The following ERBB4 variants were observed in gnomAD, a reference collection of about 807,000 sequenced individuals.
ERBB4 encodes erb-b2 receptor tyrosine kinase 4.
In ERBB4, 42 loss-of-function variants were observed where a neutral mutation model predicts 158.0. That is an observed-to-expected ratio of 0.27 (90% CI 0.21 to 0.34). ERBB4 has a LOEUF of 0.34. ERBB4 is among the 10% of genes least tolerant of loss of function. ERBB4 has a pLI of 1.00. For synonymous variants in ERBB4, 583 were observed against 558.7 expected (o/e 1.04, Z -0.61); for missense variants, 1,333 against 1,624.1 (o/e 0.82, Z 3.08).
intron 20 of ERBB4, among the ~76,000 whole-genome samples, chr2:211,469,169 C>T (rs1574550194): frequency 6.6e-6 from 1 of 152,254 alleles, no homozygotes; most frequent in South Asian, 2.1e-4. Context: ...CATGCTTCAC[C>T]TTCCTGTCCA....
At chr2:211,844,211 A>G (rs560170366) in intron 3 of ERBB4, among the ~76,000 whole-genome samples, 44 of 152,248 alleles carry the variant, frequency 2.9e-4, no homozygotes, top group South Asian at 6.2e-4. Flanking sequence ...CACAATAGTT[A>G]TTTTATCTAA....
chr2:211,398,708 G>A (rs545883086), intron 25 of ERBB4, among the ~76,000 whole-genome samples: 6 of 152,310 alleles, frequency 3.9e-5, no homozygotes, highest in South Asian at 2.1e-4. Context: ...GCATATGCCT[G>A]TAATCCCAGT....
At chr2:212,375,785 T>C (rs1242279365) in intron 1 of ERBB4, among the ~76,000 whole-genome samples, 1 of 152,076 alleles carries the variant, frequency 6.6e-6, no homozygotes, top group Non-Finnish European at 1.5e-5. Context: ...AGAGCCCCTA[T>C]CAGAGCAACA....
chr2:212,291,832 T>C (rs995806790), intron 1 of ERBB4, among the ~76,000 whole-genome samples: 1 of 152,064 alleles, frequency 6.6e-6, no homozygotes, highest in Non-Finnish European at 1.5e-5. Flanking sequence ...ATCTTAAATG[T>C]TGCAGGATGT....
chr2:212,183,109 A>T (rs1401452386), intron 1 of ERBB4, among the ~76,000 whole-genome samples: 2 of 151,866 alleles, frequency 1.3e-5, no homozygotes, highest in South Asian at 2.1e-4. Flanking sequence ...CGATGTTTTA[A>T]GTTTGACTTA....
chr2:211,383,408 T>C lies in ERBB4; in HGVS notation c.*207A>G, dbSNP rs951339705. ...ACCCATGCAGAGAAATGAAGAAACA[T>C]TGTGGTTCCTCCTATCTTTCTCTTT... On this transcript the variant is annotated 3_prime_UTR_variant, in exon 28 of 28. Coordinates refer to ENST00000342788, the MANE Select transcript of ERBB4 (RefSeq NM_005235.3). The C allele has an allele frequency of 3.5e-5, 20 of 579,062 alleles. No homozygotes were observed. The highest frequency in any genetic ancestry group is 8.8e-5 in the East Asian group (3 of 34,268). The allele number at this position is 579,062 out of a possible 1,614,324, so 35.9% of individuals were successfully genotyped here. A position where few individuals can be genotyped will look rare whatever the true frequency, so the allele number is the denominator to read the frequency against.
intron 2 of ERBB4, among the ~76,000 whole-genome samples, chr2:211,963,016 C>A (rs1160097060): frequency 6.6e-6 from 1 of 152,094 alleles, no homozygotes; most frequent in African/African-American, 2.4e-5. Flanking sequence ...ATATGTTTTT[C>A]TGTGTGCTTA....
Position 211,417,053 on chromosome 2 carries a change from G to A in ERBB4, c.3135+3388C>T, listed in dbSNP as rs768271166. On this transcript the variant is annotated intron_variant, in intron 25 of 27. Coordinates refer to ENST00000342788, the MANE Select transcript of ERBB4 (RefSeq NM_005235.3). ...AAAAAGGTAATCTTCATAATATTCC[G>A]TGAGAAAATTTTTAAATCCCCATTT... Among the ~76,000 whole-genome samples, 48 of 152,058 alleles carry A rather than the reference G, an allele frequency of 3.2e-4. No homozygotes were observed. The South Asian group carries it at 4.4e-3, about 14-fold the overall frequency.
chr2:212,122,210 A>G (rs978897450), intron 2 of ERBB4, among the ~76,000 whole-genome samples: 2 of 151,948 alleles, frequency 1.3e-5, no homozygotes, highest in Non-Finnish European at 1.5e-5. Context: ...GTACTTATAT[A>G]TTACATATCT....
intron 15 of ERBB4, among the ~76,000 whole-genome samples, chr2:211,661,625 T>A (rs899966055): frequency 1.1e-4 from 17 of 152,260 alleles, no homozygotes; most frequent in African/African-American, 2.9e-4. Flanking sequence ...AGGAAATTTT[T>A]AAAAATTCTC....
chr2:212,191,201 T>C (rs2082177210), intron 1 of ERBB4, among the ~76,000 whole-genome samples: 1 of 152,168 alleles, frequency 6.6e-6, no homozygotes, highest in African/African-American at 2.4e-5. Flanking sequence ...CAATACATAT[T>C]GCATGTCATA....
At chr2:212,330,244 G>C (rs200461270) in intron 1 of ERBB4, among the ~76,000 whole-genome samples, 1 of 130,854 alleles carries the variant, frequency 7.6e-6, no homozygotes, top group Non-Finnish European at 1.7e-5. Context: ...TGTTTGTTTT[G>C]TTTTCTGTTG....
At chr2:211,732,691 G>A (rs1412913996) in intron 5 of ERBB4, among the ~76,000 whole-genome samples, 1 of 152,154 alleles carries the variant, frequency 6.6e-6, no homozygotes, top group African/African-American at 2.4e-5. Flanking sequence ...GGACATGGTG[G>A]CTCACGCCTG....
At chr2:211,814,913 A>G (rs1478353736) in intron 3 of ERBB4, among the ~76,000 whole-genome samples, 1 of 152,200 alleles carries the variant, frequency 6.6e-6, no homozygotes, top group Non-Finnish European at 1.5e-5. Context: ...CCACATTTAT[A>G]CACATGAATA....
chr2:212,025,416 G>A (rs2125336503), intron 2 of ERBB4, among the ~76,000 whole-genome samples: 1 of 151,856 alleles, frequency 6.6e-6, no homozygotes, highest in African/African-American at 2.4e-5. Flanking sequence ...TCATATTTAT[G>A]ATGGAATTAC....
At chr2:211,607,911 C>T (rs2069049031) in intron 19 of ERBB4, among the ~76,000 whole-genome samples, 1 of 143,918 alleles carries the variant, frequency 6.9e-6, no homozygotes, top group Admixed American at 7.2e-5. Context: ...ACTCTGTCTC[C>T]CAGGCTGGAG....
Position 212,003,550 on chromosome 2 carries a change from C to T in ERBB4, c.235-55934G>A, listed in dbSNP as rs575043045. On this transcript the variant is annotated intron_variant, in intron 2 of 27. Coordinates refer to ENST00000342788, the MANE Select transcript of ERBB4 (RefSeq NM_005235.3). ...AATGGAAAACACCACCTCTCTACACCCAAGTAACAAAAGGATCAGAGGCTA... is the reference window on the plus strand; with the variant it reads ...AATGGAAAACACCACCTCTCTACACTCAAGTAACAAAAGGATCAGAGGCTA... 2.0e-5 allele frequency among the ~76,000 whole-genome samples: 3 copies of T among 152,112 alleles called. No individual in the cohort carries two copies. The East Asian group carries it at 5.8e-4, about 29-fold the overall frequency.
At chr2:211,420,657 T>A (rs1193470889) in intron 24 of ERBB4, 46 bp from the exon 25 acceptor site, 2 of 1,485,686 alleles carry the variant, frequency 1.3e-6, no homozygotes, top group East Asian at 2.3e-5. Flanking sequence ...TTCTTTCTTA[T>A]CTTAAATATG....
At chr2:212,402,903 C>T (rs2091249698) in intron 1 of ERBB4, among the ~76,000 whole-genome samples, 1 of 152,010 alleles carries the variant, frequency 6.6e-6, no homozygotes, top group African/African-American at 2.4e-5. Flanking sequence ...TTTCATTCAA[C>T]TTTTACGTGA....
Sources: allele counts gnomAD v4.1 joint callset (sites outside exome capture counted in the v4.1 genomes callset), GRCh38; gene constraint gnomAD v4.1.1; transcripts MANE v1.5; gene names NCBI Gene and HGNC (gene_info 2026-07-23, HGNC 2026-07-21).